SHQ1: variants seen among roughly 807,000 people sequenced by gnomAD.
SHQ1 encodes SHQ1, H/ACA ribonucleoprotein assembly factor, also known as protein SHQ1 homolog.
SHQ1 carries 49 observed loss-of-function variants against 53.8 expected under a neutral mutation model. The observed-to-expected ratio is 0.91, with a 90% confidence interval of 0.72 to 1.16. The LOEUF (loss-of-function observed/expected upper bound fraction) is 1.16. SHQ1 is among the 50% of genes most tolerant of loss of function. The pLI is 0.00. For missense variants in SHQ1, 738 were observed against 683.1 expected (o/e 1.08, Z -0.90); for synonymous variants, 243 against 251.0 (o/e 0.97, Z 0.30).
At chr3:72,827,113 G>A (rs1389708415) in intron 5 of SHQ1, among the ~76,000 whole-genome samples, 1 of 151,842 alleles carries the variant, frequency 6.6e-6, no homozygotes, top group African/African-American at 2.4e-5. Context: ...CTCGAGGAGT[G>A]AAAAATGACA....
At chr3:72,781,283 C>T (rs762571047) in intron 10 of SHQ1, among the ~76,000 whole-genome samples, 2 of 151,850 alleles carry the variant, frequency 1.3e-5, no homozygotes, top group East Asian at 1.9e-4. Flanking sequence ...CTTGAACTCT[C>T]GACCCCAGGT....
At chr3:72,764,790 A>G (rs776795084) in intron 10 of SHQ1, among the ~76,000 whole-genome samples, 4 of 152,106 alleles carry the variant, frequency 2.6e-5, no homozygotes, top group African/African-American at 4.8e-5. Context: ...GAACACCCCA[A>G]AGAGTTCTGA....
downstream of SHQ1, among the ~76,000 whole-genome samples, chr3:72,745,448 G>A (rs1250070067): frequency 6.6e-6 from 1 of 152,196 alleles, no homozygotes; most frequent in African/African-American, 2.4e-5. Context: ...GGACAAGAGA[G>A]ACAGAACATA....
intron 10 of SHQ1, among the ~76,000 whole-genome samples, chr3:72,763,058 CACACAG>C (rs768325372): frequency 0.22 from 29,499 of 134,330 alleles, 3,070 homozygotes; most frequent in Non-Finnish European, 0.24. Context: ...CACACACACA[CACACAG>C]AGAGAGAGAG....
chr3:72,813,163 G>A (rs1440511327), intron 8 of SHQ1, among the ~76,000 whole-genome samples: 1 of 152,142 alleles, frequency 6.6e-6, no homozygotes, highest in South Asian at 2.1e-4. Flanking sequence ...GGCTATTCAA[G>A]ATGGCACAGA....
chr3:72,799,843 G>A (rs1299637874), intron 9 of SHQ1, among the ~76,000 whole-genome samples: 2 of 152,008 alleles, frequency 1.3e-5, no homozygotes, highest in Non-Finnish European at 2.9e-5. Flanking sequence ...TTCAACTCAT[G>A]TACAACCCTC....
chr3:72,784,316 A>G (rs896605656), intron 10 of SHQ1, among the ~76,000 whole-genome samples: 5 of 152,192 alleles, frequency 3.3e-5, no homozygotes, highest in African/African-American at 1.2e-4. Flanking sequence ...GAACATTTGT[A>G]ATCCTGTGAT....
downstream of SHQ1, among the ~76,000 whole-genome samples, chr3:72,748,566 C>G (rs1178705372): frequency 6.6e-6 from 1 of 152,048 alleles, no homozygotes; most frequent in Non-Finnish European, 1.5e-5. Flanking sequence ...TGGCACACAT[C>G]TGTAGTCCCA....
the SHQ1 span, among the ~76,000 whole-genome samples, chr3:72,734,365 C>A: frequency 1.3e-5 from 2 of 151,064 alleles, no homozygotes; most frequent in Non-Finnish European, 2.9e-5. Context: ...CGGTGATTCT[C>A]CTGCTTCAGC....
chr3:72,789,095 A>T (rs990332929), intron 10 of SHQ1, among the ~76,000 whole-genome samples: 1 of 152,158 alleles, frequency 6.6e-6, no homozygotes, highest in Non-Finnish European at 1.5e-5. Context: ...AAAAAAAAAA[A>T]AAAGAAAAAT....
In SHQ1 at chr3:72,811,366, ACACAGT is replaced by A. The variant is rs139771974; in HGVS notation, c.1060+1299_1060+1304del. On this transcript the variant is annotated intron_variant, in intron 9 of 10. Transcript: ENST00000325599. ...GAATTGTGACGTGTAACTGAGGCTC[ACACAGT>A]CATTTATAGTAGATTGATTTTCCAA... Among the ~76,000 whole-genome samples, 827 of 152,380 alleles carry A rather than the reference ACACAGT, an allele frequency of 5.4e-3. 4 individuals carry two copies. Among genetic ancestry groups the A allele is most frequent in the African/African-American group, 0.019 (775 of 41,588 alleles).
chr3:72,727,518 C>T, the SHQ1 span, among the ~76,000 whole-genome samples: 1 of 152,220 alleles, frequency 6.6e-6, no homozygotes, highest in Non-Finnish European at 1.5e-5. Context: ...GAAATGGCCA[C>T]ACATCAGAGC....
intron 10 of SHQ1, among the ~76,000 whole-genome samples, chr3:72,770,147 T>G (rs1705815207): frequency 6.6e-6 from 1 of 152,260 alleles, no homozygotes; most frequent in Non-Finnish European, 1.5e-5. Flanking sequence ...TGGAGCTTTG[T>G]TCTTAGCAAA....
chr3:72,842,346 T>C lies in SHQ1; in HGVS notation c.265A>G (p.Asn89Asp). 6.2e-7 allele frequency: 1 copy of C among 1,614,034 alleles called. No homozygotes were observed. Among genetic ancestry groups the C allele is most frequent in the African/African-American group, 1.3e-5 (1 of 75,056 alleles). ...ETPGQHFEGLNMLTALLAPRK... is the reference protein window; with the variant it reads ...ETPGQHFEGLDMLTALLAPRK... The stretch of plus-strand genomic sequence containing the variant: ...GGTGCCAGAAGAGCAGTTAACATGT[T>C]CAGCCCCTCAAAATGCTGGCCAGGG... The change falls in exon 3 of 11, where the codon AAC becomes GAC. Residue 89 changes from asparagine to aspartate, a missense_variant. Physicochemically the swap from Asn to Asp is conservative, Grantham distance 23. Transcript: ENST00000325599.
downstream of SHQ1, among the ~76,000 whole-genome samples, chr3:72,748,752 A>T (rs984872250): frequency 1.3e-5 from 2 of 151,802 alleles, no homozygotes; most frequent in African/African-American, 4.8e-5. Context: ...AAACAAAAGA[A>T]CTCTAAAAAA....
chr3:72,785,702 A>G (rs895613802), intron 10 of SHQ1, among the ~76,000 whole-genome samples: 5 of 152,196 alleles, frequency 3.3e-5, no homozygotes, highest in Admixed American at 6.5e-5. Context: ...TTTGTTCACC[A>G]TGTTGCATAC....
At chr3:72,778,560 A>G (rs1455018266) in intron 10 of SHQ1, among the ~76,000 whole-genome samples, 3 of 152,248 alleles carry the variant, frequency 2.0e-5, no homozygotes, top group Admixed American at 2.0e-4. Context: ...CTTAATTTGC[A>G]TAATTTGTAT....
chr3:72,791,594 A>G (rs937223669), intron 10 of SHQ1, among the ~76,000 whole-genome samples: 5 of 152,242 alleles, frequency 3.3e-5, no homozygotes, highest in African/African-American at 1.2e-4. Context: ...TTATTTATCA[A>G]TCATGGCGGT....
At chr3:72,839,688 A>T (rs541372138) in intron 4 of SHQ1, among the ~76,000 whole-genome samples, 4 of 152,306 alleles carry the variant, frequency 2.6e-5, no homozygotes, top group Non-Finnish European at 5.9e-5. Context: ...ACCAGAACCC[A>T]GGTCTTTTCC....
Sources: allele counts gnomAD v4.1 joint callset (sites outside exome capture counted in the v4.1 genomes callset), GRCh38; gene constraint gnomAD v4.1.1; transcripts MANE v1.5; gene names NCBI Gene and HGNC (gene_info 2026-07-23, HGNC 2026-07-21).